JMJD1C: variants seen among roughly 807,000 people sequenced by gnomAD.
The protein encoded by JMJD1C is jumonji domain-containing protein 1C.
Under a neutral mutation model 245.3 loss-of-function variants are expected in JMJD1C, and 31 were observed. The ratio of observed to expected loss-of-function variants is 0.13; its 90% CI spans 0.09 to 0.17. JMJD1C has a LOEUF of 0.17. Ranked by LOEUF, JMJD1C falls within the 10% of genes least tolerant of loss-of-function variation. JMJD1C has a pLI of 1.00. For synonymous variants in JMJD1C, 1,057 were observed against 1,017.4 expected (o/e 1.04, Z -0.74); for missense variants, 2,691 against 3,000.2 (o/e 0.90, Z 2.41).
rs964879126 is a variant in JMJD1C, at chr10:63,360,460, T to C, written c.333+19858A>G. Among the ~76,000 whole-genome samples the C allele has an allele frequency of 2.6e-5, 4 of 152,368 alleles. No homozygotes were observed. The South Asian group carries it at 8.3e-4, about 32-fold the overall frequency. Reference sequence around the variant, plus strand: ...CTGTGGATATGTTTTAATCCAACCTTGTAAGTCTTATTTCCAGCACCTTAA... The same window carrying C: ...CTGTGGATATGTTTTAATCCAACCTCGTAAGTCTTATTTCCAGCACCTTAA... On this transcript the variant is annotated intron_variant, in intron 2 of 25. Coordinates refer to ENST00000399262, the MANE Select transcript of JMJD1C (RefSeq NM_032776.3).
chr10:63,352,863 T>C (rs969591628), intron 2 of JMJD1C, among the ~76,000 whole-genome samples: 4 of 152,102 alleles, frequency 2.6e-5, no homozygotes, highest in African/African-American at 9.7e-5. Flanking sequence ...ATGAGTGTGT[T>C]CTACGGGGCC....
chr10:63,170,380 C>G (rs556000401), intron 24 of JMJD1C, among the ~76,000 whole-genome samples: 2 of 152,316 alleles, frequency 1.3e-5, no homozygotes, highest in South Asian at 4.1e-4. Flanking sequence ...ATCATATTCT[C>G]TCCCTGCCTC....
chr10:63,475,425 G>A (rs968868876), intron 1 of JMJD1C, among the ~76,000 whole-genome samples: 7 of 152,062 alleles, frequency 4.6e-5, no homozygotes, highest in African/African-American at 1.7e-4. Context: ...TAAAAAGTTC[G>A]GGTACTTGTC....
At chr10:63,513,312 A>G (rs1173846349) in intron 1 of JMJD1C, among the ~76,000 whole-genome samples, 1 of 152,130 alleles carries the variant, frequency 6.6e-6, no homozygotes, top group Non-Finnish European at 1.5e-5. Context: ...TTAACTCAAG[A>G]TGGATTTAAG....
intron 2 of JMJD1C, 89 bp from the exon 3 acceptor site, chr10:63,264,853 G>GTCA: frequency 1.5e-6 from 1 of 661,444 alleles, no homozygotes; most frequent in East Asian, 2.8e-5. Flanking sequence ...ATGTATCAAT[G>GTCA]TCATTATCAC....
intron 3 of JMJD1C, among the ~76,000 whole-genome samples, chr10:63,225,921 G>A (rs956206177): frequency 7.9e-5 from 12 of 152,126 alleles, no homozygotes; most frequent in African/African-American, 2.9e-4. Flanking sequence ...TTACAAGCAG[G>A]AAGTGACAGA....
upstream of JMJD1C, chr10:63,466,057 G>T: frequency 4.5e-6 from 1 of 220,934 alleles, no homozygotes; most frequent in Non-Finnish European, 8.9e-6. Flanking sequence ...AGCCGCGGGA[G>T]GGTCGGCGGA....
chr10:63,353,538 GAC>G (rs994539487), intron 2 of JMJD1C, among the ~76,000 whole-genome samples: 1 of 152,112 alleles, frequency 6.6e-6, no homozygotes, highest in African/African-American at 2.4e-5. Flanking sequence ...TTTTGGTTGA[GAC>G]AGTCTCACTC....
chr10:63,350,616 C>CTT (rs71025164), intron 2 of JMJD1C, among the ~76,000 whole-genome samples: 1 of 119,384 alleles, frequency 8.4e-6, no homozygotes. Context: ...GCAGAACCAA[C>CTT]TTTTTTTTTT....
intron 3 of JMJD1C, among the ~76,000 whole-genome samples, chr10:63,256,085 G>C (rs776682828): frequency 2.6e-5 from 4 of 152,144 alleles, no homozygotes; most frequent in Non-Finnish European, 5.9e-5. Context: ...TTTAAAAGGA[G>C]ACTGGCAGAT....
At chr10:63,452,037 A>G (rs1048776460) in intron 1 of JMJD1C, among the ~76,000 whole-genome samples, 1 of 152,190 alleles carries the variant, frequency 6.6e-6, no homozygotes, top group Non-Finnish European at 1.5e-5. Flanking sequence ...TTTGGCAGCA[A>G]CTTCTGGGAA....
At chr10:63,465,177 C>A in intron 1 of JMJD1C, 2 of 350,212 alleles carry the variant, frequency 5.7e-6, no homozygotes, top group Admixed American at 9.6e-5. Context: ...CTCGCGGCTC[C>A]GCCTTTCGGG....
chr10:63,341,435 TA>T (rs1204772506), intron 2 of JMJD1C, among the ~76,000 whole-genome samples: 171 of 152,346 alleles, frequency 1.1e-3, no homozygotes, highest in African/African-American at 3.8e-3. Flanking sequence ...AAGGACAGAA[TA>T]ACTGTGTTGG....
At chr10:63,420,790 A>T (rs1950082044) in intron 1 of JMJD1C, among the ~76,000 whole-genome samples, 1 of 151,964 alleles carries the variant, frequency 6.6e-6, no homozygotes, top group Non-Finnish European at 1.5e-5. Flanking sequence ...TAGAAAGAGA[A>T]CTGCAAAACA....
chr10:63,420,241 T>C (rs1427691662), intron 1 of JMJD1C, among the ~76,000 whole-genome samples: 4 of 151,512 alleles, frequency 2.6e-5, no homozygotes, highest in African/African-American at 9.7e-5. Context: ...GAAAATAAGG[T>C]GACATGAAGA....
At chr10:63,427,467 C>A in intron 1 of JMJD1C, 1 of 1,202,158 alleles carries the variant, frequency 8.3e-7, no homozygotes, top group Non-Finnish European at 1.2e-6. Context: ...AACTCCTGAC[C>A]AAGACCAACA....
chr10:63,245,478 C>CTTT (rs71025134), intron 3 of JMJD1C, among the ~76,000 whole-genome samples: 37,701 of 88,512 alleles, frequency 0.43, 9,301 homozygotes, highest in South Asian at 0.51. Context: ...CAGGGGAACT[C>CTTT]TTTTTTTTTT....
chr10:63,377,207 A>G (rs140542116), intron 2 of JMJD1C, among the ~76,000 whole-genome samples: 492 of 152,332 alleles, frequency 3.2e-3, no homozygotes, highest in Middle Eastern at 0.014. Context: ...CATATGAGAT[A>G]CTCAGAGACC....
chr10:63,363,538 G>A (rs142488160), intron 2 of JMJD1C, among the ~76,000 whole-genome samples: 2,025 of 152,142 alleles, frequency 0.013, 30 homozygotes, highest in African/African-American at 0.034. Flanking sequence ...GATTACAGGC[G>A]TGAGCCACCA....
Sources: allele counts gnomAD v4.1 joint callset (sites outside exome capture counted in the v4.1 genomes callset), GRCh38; gene constraint gnomAD v4.1.1; transcripts MANE v1.5; gene names NCBI Gene and HGNC (gene_info 2026-07-23, HGNC 2026-07-21).